The following DGKK variants were observed in gnomAD, a reference collection of about 807,000 sequenced individuals.
DGKK encodes 142 kDa diacylglycerol kinase.
DGKK carries 35 observed loss-of-function variants against 92.2 expected under a neutral mutation model. The ratio of observed to expected loss-of-function variants is 0.38; its 90% CI spans 0.29 to 0.50. The LOEUF is 0.50. Ranked by LOEUF, DGKK falls within the 20% of genes least tolerant of loss-of-function variation. The pLI is 0.92. For synonymous variants in DGKK, 368 were observed against 360.6 expected (o/e 1.02, Z -0.23); for missense variants, 910 against 992.2 (o/e 0.92, Z 1.11).
intron 10 of DGKK, among the ~76,000 whole-genome samples, chrX:50,391,914 G>A (rs1470155531): frequency 6.2e-5 from 7 of 112,270 alleles, no homozygotes; most frequent in South Asian, 3.7e-4. Flanking sequence ...AGGAGACAAA[G>A]CTACTGGAGT....
At chrX:50,388,670 G>A in intron 12 of DGKK, 52 bp from the exon 13 acceptor site, 8 of 916,959 alleles carry the variant, frequency 8.7e-6, no homozygotes, top group East Asian at 3.3e-5. Flanking sequence ...ATAACACAGT[G>A]TGCTGCCCAT....
In DGKK at chrX:50,429,501, C is replaced by T. The variant is rs1032626745; in HGVS notation, c.646-5143G>A. Among the ~76,000 whole-genome samples the T allele has an allele frequency of 2.7e-5, 3 of 111,453 alleles. No homozygotes were observed. The South Asian group carries it at 1.1e-3, about 42-fold the overall frequency. ...GAGATCGAGACCATCCTGGCTAACA[C>T]GGTGAAACCCCGTCTCTACTAAAAA... On this transcript the variant is annotated intron_variant, in intron 1 of 27. Transcript: ENST00000611977.
chrX:50,469,803 G>C (rs1557234316), intron 1 of DGKK, among the ~76,000 whole-genome samples: 1 of 111,837 alleles, frequency 8.9e-6, no homozygotes, highest in Non-Finnish European at 1.9e-5. Flanking sequence ...ACCCCCTGCT[G>C]TCACCCCCGT....
At position 50,416,013 on chromosome X, in the gene DGKK, T is replaced by C. The variant is rs142334096; in HGVS notation, c.942+4390A>G. 8.7e-3 allele frequency among the ~76,000 whole-genome samples: 968 copies of C among 111,761 alleles called. 7 individuals are homozygous for C. The highest frequency in any genetic ancestry group is 0.037 in the Middle Eastern group (8 of 216). The stretch of plus-strand genomic sequence containing the variant: ...CTGAATGCATGCTCCCCACACGTTA[T>C]AGGAAGTGATGGATCCCTCATGAAT... On this transcript the variant is annotated intron_variant, in intron 4 of 27. Coordinates refer to ENST00000611977, the MANE Select transcript of DGKK (RefSeq NM_001013742.4).
rs1478241278 is a variant in DGKK, at chrX:50,469,232, T to C, written c.645+802A>G. ...TGCAATCCCAACTCCTATTTTCGTG[T>C]CTCTAAACCAGGACTCCTGTACCAT... On this transcript the variant is annotated intron_variant, in intron 1 of 27. Coordinates refer to ENST00000611977, the MANE Select transcript of DGKK (RefSeq NM_001013742.4). Among the ~76,000 whole-genome samples, 5 of 111,703 alleles carry C rather than the reference T, an allele frequency of 4.5e-5. No individual in the cohort carries two copies. The Admixed American group carries it at 4.7e-4, about 10-fold the overall frequency.
At position 50,470,182 on chromosome X, in the gene DGKK, C is replaced by T; in HGVS notation, c.497G>A (p.Cys166Tyr). ...ACGGAACTCTGGAGCCGCCTCAGGG[C>T]AGAACTCTGGGGCCAGCTCTGTCAC... ...EPVTELAPEFCPEAAPEFRPS... is the reference protein window; with the variant it reads ...EPVTELAPEFYPEAAPEFRPS... Residue 166 changes from cysteine to tyrosine, a missense_variant, in exon 1 of 28, where the codon TGC (cysteine) becomes TAC (tyrosine). Physicochemically the swap from Cys to Tyr is radical, Grantham distance 194. Coordinates refer to ENST00000611977, the MANE Select transcript of DGKK (RefSeq NM_001013742.4). The T allele has an allele frequency of 8.3e-6, 10 of 1,212,027 alleles. No homozygotes were observed. The highest frequency in any genetic ancestry group is 4.3e-5 in the Admixed American group (2 of 46,129).
rs1924131794 is a variant in DGKK, at chrX:50,371,649, GGCCCACACTGGAAGGGAAGGCA to G, written c.3612+53_3612+74del. On this transcript the variant is annotated intron_variant, in intron 26 of 27. Transcript: ENST00000611977. ...CCCTGTACTACAGTCACCATGTCCT[GGCCCACACTGGAAGGGAAGGCA>G]CTAAGGAAGAATCCCTCTTTCCCTT... 142 of 760,110 alleles carry G rather than the reference GGCCCACACTGGAAGGGAAGGCA, an allele frequency of 1.9e-4. 1 individual carries two copies. The South Asian group carries it at 3.3e-3, about 18-fold the overall frequency. 62.6% of individuals were successfully genotyped at this position (760,110 alleles called of 1,213,427 possible).
intron 1 of DGKK, among the ~76,000 whole-genome samples, chrX:50,433,522 T>A (rs1272036389): frequency 9.0e-6 from 1 of 111,342 alleles, no homozygotes; most frequent in Non-Finnish European, 1.9e-5. Flanking sequence ...TGGCATGGAA[T>A]GGCATGTGAG....
intron 1 of DGKK, among the ~76,000 whole-genome samples, chrX:50,459,370 T>G (rs1926689786): frequency 9.0e-6 from 1 of 111,146 alleles, no homozygotes; most frequent in Non-Finnish European, 1.9e-5. Context: ...CCTTTCAAGC[T>G]GTTTCAAAGG....
intron 1 of DGKK, among the ~76,000 whole-genome samples, chrX:50,463,375 C>CT (rs1380381938): frequency 0.017 from 1 of 59 alleles, no homozygotes; most frequent in Admixed American, 0.2. Context: ...CTCCACCTCT[C>CT]CCTTTGTCTC....
Position 50,424,363 on chromosome X carries a change from AAG to A in DGKK, c.646-7_646-6del. ...AGGTCCTTCCTTCAATATTTTCTGAAAGATAGAAGCATGGTGTTGAGCAATTA... is the reference window on the plus strand; with the variant it reads ...AGGTCCTTCCTTCAATATTTTCTGAAATAGAAGCATGGTGTTGAGCAATTA... On this transcript the variant is annotated splice_region_variant and splice_polypyrimidine_tract_variant and intron_variant, in intron 1 of 27. Transcript: ENST00000611977. 8.4e-7 allele frequency: 1 copy of A among 1,196,780 alleles called. No individual in the cohort carries two copies. The highest frequency in any genetic ancestry group is 2.2e-5 in the Admixed American group (1 of 45,824).
chrX:50,387,716 T>A (rs1480280654), intron 13 of DGKK, 63 bp from the exon 14 acceptor site: 39 of 785,933 alleles, frequency 5.0e-5, no homozygotes, highest in Non-Finnish European at 7.4e-5. Flanking sequence ...CCCTTCTCTC[T>A]TATGTCATCA....
chrX:50,425,971 C>A (rs1557229676), intron 1 of DGKK, among the ~76,000 whole-genome samples: 1 of 111,359 alleles, frequency 9.0e-6, no homozygotes, highest in East Asian at 2.8e-4. Context: ...ACCTTCTCAC[C>A]TCTATCCATA....
intron 4 of DGKK, among the ~76,000 whole-genome samples, chrX:50,405,125 A>C (rs1213462413): frequency 8.9e-6 from 1 of 112,357 alleles, no homozygotes; most frequent in Non-Finnish European, 1.9e-5. Context: ...TGAACAAGAC[A>C]CAACCCCTGC....
intron 1 of DGKK, among the ~76,000 whole-genome samples, chrX:50,466,737 A>G (rs1308120079): frequency 8.9e-6 from 1 of 111,902 alleles, no homozygotes; most frequent in Non-Finnish European, 1.9e-5. Flanking sequence ...GGCCACCCCT[A>G]TTTTTGAGAA....
intron 1 of DGKK, among the ~76,000 whole-genome samples, chrX:50,460,556 C>G (rs1926718158): frequency 9.0e-6 from 1 of 111,574 alleles, no homozygotes; most frequent in Non-Finnish European, 1.9e-5. Context: ...CCTTTACAGG[C>G]TCTTTAAAGC....
rs1569545061 is a variant in DGKK at position 50,447,361 on chromosome X, TATATATATTATATATATATATA to T, written c.645+22651_645+22672del. Among the ~76,000 whole-genome samples, 9 of 15,737 alleles carry T rather than the reference TATATATATTATATATATATATA, an allele frequency of 5.7e-4. 1 individual carries two copies. Among genetic ancestry groups the T allele is most frequent in the African/African-American group, 2.3e-3 (7 of 3,040 alleles). The allele number at this position is 15,737 out of a possible 115,157, so 13.7% of individuals were successfully genotyped here. A position where few individuals can be genotyped will look rare whatever the true frequency, so the allele number is the denominator to read the frequency against. On this transcript the variant is annotated intron_variant, in intron 1 of 27. Coordinates refer to ENST00000611977, the MANE Select transcript of DGKK (RefSeq NM_001013742.4). ...ATATATATTATATATATATATAATA[TATATATATTATATATATATATA>T]ATATATATATATTATATATATATAT...
chrX:50,431,879 A>G (rs1925898184), intron 1 of DGKK, among the ~76,000 whole-genome samples: 1 of 111,198 alleles, frequency 9.0e-6, no homozygotes, highest in African/African-American at 3.3e-5. Context: ...CCTTGGGCAA[A>G]TCACTTAACC....
Position 50,387,638 on chromosome X carries a change from A to G in DGKK, c.2034T>C (p.Ala678=), listed in dbSNP as rs1924581333. Reference sequence around the variant, plus strand: ...CAATATCAACCACAAAATCTTCCACAGCTGAACACAAGAATCTGGAAAGAT... The same window carrying G: ...CAATATCAACCACAAAATCTTCCACGGCTGAACACAAGAATCTGGAAAGAT... ...MIIATRFLCS[A]VEDFVVDIVK... Residue 678 remains alanine, a synonymous_variant, in exon 14 of 28, where the codon GCT becomes GCC. Coordinates refer to ENST00000611977, the MANE Select transcript of DGKK (RefSeq NM_001013742.4). The G allele has an allele frequency of 1.2e-5, 14 of 1,200,171 alleles. No individual in the cohort carries two copies. Among genetic ancestry groups the G allele is most frequent in the Non-Finnish European group, 1.5e-5 (13 of 885,903 alleles).
Sources: allele counts gnomAD v4.1 joint callset (sites outside exome capture counted in the v4.1 genomes callset), GRCh38; gene constraint gnomAD v4.1.1; transcripts MANE v1.5; gene names NCBI Gene and HGNC (gene_info 2026-07-23, HGNC 2026-07-21).